GRIA4: variants seen among roughly 807,000 people sequenced by gnomAD.
GRIA4 encodes the protein glutamate receptor 4.
In GRIA4, 34 loss-of-function variants were observed where a neutral mutation model predicts 104.0. The observed-to-expected ratio is 0.33, with a 90% confidence interval of 0.25 to 0.44. GRIA4 has a LOEUF of 0.44. GRIA4 is among the 20% of genes least tolerant of loss of function. The pLI is 1.00. For synonymous variants in GRIA4, 386 were observed against 381.9 expected (o/e 1.01, Z -0.13); for missense variants, 750 against 1,096.5 (o/e 0.68, Z 4.46).
rs1213160901 is a variant in GRIA4 at position 105,979,798 on chromosome 11, C to G, written c.*59C>G. ...CTGTTGGTGACTGGTGGAAACGCAGCCCTGAGGGACACGCCACGCGCGGGT... is the reference window on the plus strand; with the variant it reads ...CTGTTGGTGACTGGTGGAAACGCAGGCCTGAGGGACACGCCACGCGCGGGT... On this transcript the variant is annotated 3_prime_UTR_variant, in exon 17 of 17. Coordinates refer to ENST00000282499, the MANE Select transcript of GRIA4 (RefSeq NM_000829.4). 6 of 1,326,386 alleles carry G rather than the reference C, an allele frequency of 4.5e-6. No individual in the cohort carries two copies. Among genetic ancestry groups the G allele is most frequent in the Non-Finnish European group, 6.4e-6 (6 of 933,710 alleles). 82.2% of individuals were successfully genotyped at this position (1,326,386 alleles called of 1,614,324 possible).
At chr11:105,850,361 T>G (rs925324229) in intron 4 of GRIA4, among the ~76,000 whole-genome samples, 1 of 152,220 alleles carries the variant, frequency 6.6e-6, no homozygotes, top group African/African-American at 2.4e-5. Flanking sequence ...TATCCCTGCA[T>G]CAATAAAAGT....
At chr11:105,795,770 G>T (rs1451784774) in intron 4 of GRIA4, among the ~76,000 whole-genome samples, 1 of 152,084 alleles carries the variant, frequency 6.6e-6, no homozygotes, top group African/African-American at 2.4e-5. Context: ...TCAACATGGT[G>T]CTAGAACATC....
At chr11:105,735,549 T>C (rs1440301899) in intron 3 of GRIA4, among the ~76,000 whole-genome samples, 2 of 152,190 alleles carry the variant, frequency 1.3e-5, no homozygotes, top group African/African-American at 4.8e-5. Context: ...ATTCATTACA[T>C]ACATTTCTAT....
At chr11:105,895,069 G>A (rs1440816266) in intron 6 of GRIA4, among the ~76,000 whole-genome samples, 1 of 102,876 alleles carries the variant, frequency 9.7e-6, no homozygotes, top group Non-Finnish European at 2.1e-5. Flanking sequence ...AAAGTGCTGG[G>A]ATTACAGGCG....
chr11:105,671,538 T>A (rs1352298166), intron 3 of GRIA4, among the ~76,000 whole-genome samples: 1 of 150,724 alleles, frequency 6.6e-6, no homozygotes. Context: ...ATTAGCTGGG[T>A]GTGGTGGTAG....
At chr11:105,921,432 C>T (rs988927422) in intron 11 of GRIA4, among the ~76,000 whole-genome samples, 2 of 151,938 alleles carry the variant, frequency 1.3e-5, no homozygotes, top group Non-Finnish European at 2.9e-5. Context: ...TTTACACACT[C>T]AATTTTGGGA....
At chr11:105,820,500 A>C (rs1209092311) in intron 4 of GRIA4, among the ~76,000 whole-genome samples, 3 of 152,108 alleles carry the variant, frequency 2.0e-5, no homozygotes, top group Admixed American at 2.0e-4. Context: ...CTCACTGGGC[A>C]GTTTTCATAT....
chr11:105,935,032 A>T (rs1947991618), intron 14 of GRIA4, among the ~76,000 whole-genome samples: 1 of 152,206 alleles, frequency 6.6e-6, no homozygotes, highest in African/African-American at 2.4e-5. Flanking sequence ...ATTGCCTAGT[A>T]CAAATGAAAG....
chr11:105,865,400 A>G (rs1028663032), intron 5 of GRIA4, among the ~76,000 whole-genome samples: 23 of 152,216 alleles, frequency 1.5e-4, no homozygotes, highest in Non-Finnish European at 2.9e-4. Context: ...GAAATCTAAA[A>G]TGAGAAGTAT....
At chr11:105,844,325 T>C (rs912368082) in intron 4 of GRIA4, among the ~76,000 whole-genome samples, 5 of 152,246 alleles carry the variant, frequency 3.3e-5, no homozygotes, top group Non-Finnish European at 2.9e-5. Flanking sequence ...TAGTCCATTA[T>C]TAAATATGCC....
chr11:105,787,988 C>G (rs1453595562), intron 4 of GRIA4, among the ~76,000 whole-genome samples: 7 of 151,876 alleles, frequency 4.6e-5, no homozygotes, highest in Admixed American at 4.6e-4. Flanking sequence ...AGAGCTTCTC[C>G]CCTCAGATGA....
intron 4 of GRIA4, among the ~76,000 whole-genome samples, chr11:105,848,393 A>G (rs1445211380): frequency 1.3e-5 from 2 of 152,240 alleles, no homozygotes; most frequent in Non-Finnish European, 2.9e-5. Context: ...TTGGCACAAC[A>G]TTAAAATATA....
chr11:105,894,258 G>A (rs1197022690), intron 6 of GRIA4, among the ~76,000 whole-genome samples: 1 of 152,114 alleles, frequency 6.6e-6, no homozygotes, highest in Non-Finnish European at 1.5e-5. Context: ...AGAATATGCA[G>A]GAGTATAAGG....
chr11:105,788,549 A>T (rs1442961683), intron 4 of GRIA4, among the ~76,000 whole-genome samples: 1 of 152,206 alleles, frequency 6.6e-6, no homozygotes, highest in African/African-American at 2.4e-5. Flanking sequence ...ACAACATGGA[A>T]TACTATGCAG....
At chr11:105,921,594 C>T (rs1947566239) in intron 11 of GRIA4, among the ~76,000 whole-genome samples, 1 of 152,046 alleles carries the variant, frequency 6.6e-6, no homozygotes, top group Non-Finnish European at 1.5e-5. Context: ...GATGTCACCA[C>T]CTTCATACAA....
intron 3 of GRIA4, among the ~76,000 whole-genome samples, chr11:105,745,743 C>T (rs969839834): frequency 2.6e-5 from 4 of 152,090 alleles, no homozygotes; most frequent in Non-Finnish European, 4.4e-5. Flanking sequence ...GGAGGACTTT[C>T]GCAATCAAGG....
At chr11:105,738,622 C>T (rs1055171518) in intron 3 of GRIA4, among the ~76,000 whole-genome samples, 2 of 152,078 alleles carry the variant, frequency 1.3e-5, no homozygotes, top group African/African-American at 4.8e-5. Flanking sequence ...ATTGCTGTTA[C>T]CCACTTCCAA....
Position 105,862,144 on chromosome 11 carries a change from G to T in GRIA4, c.608G>T (p.Arg203Ile). The T allele has an allele frequency of 6.2e-7, 1 of 1,607,344 alleles. No individual in the cohort carries two copies. The highest frequency in any genetic ancestry group is 2.2e-5 in the East Asian group (1 of 44,784). Residue 203 changes from arginine to isoleucine, a missense_variant, in exon 5 of 17, where the codon AGA (arginine) becomes ATA (isoleucine). Arg to Ile is a moderately conservative substitution (Grantham distance 97). Around this residue, in one of 3 missense-constraint regions of GRIA4, gnomAD observed 410 missense variants for 502.7 expected, o/e 0.82. Coordinates refer to ENST00000282499, the MANE Select transcript of GRIA4 (RefSeq NM_000829.4). ...SYRQLLEELD[R>I]RQEKKFVIDC... Reference sequence around the variant, plus strand: ...AGGCAACTTCTAGAAGAACTTGACAGAAGACAAGAGAAGAAGTTTGTAATA... The same window carrying T: ...AGGCAACTTCTAGAAGAACTTGACATAAGACAAGAGAAGAAGTTTGTAATA...
At chr11:105,722,396 G>C (rs748822003) in intron 3 of GRIA4, among the ~76,000 whole-genome samples, 25 of 152,114 alleles carry the variant, frequency 1.6e-4, no homozygotes, top group Non-Finnish European at 3.2e-4. Context: ...GGAGTAGTAA[G>C]TGCATTTTCA....
Sources: gnomAD v4.1 joint callset for allele counts (sites outside exome capture counted in the v4.1 genomes callset) on GRCh38, gnomAD v4.1.1 for gene constraint, gnomAD v4.1.1 regional missense constraint, MANE v1.5 for transcripts, NCBI Gene and HGNC (gene_info 2026-07-23, HGNC 2026-07-21) for gene names.